DNTT: variants seen among roughly 807,000 people sequenced by gnomAD.
The protein encoded by DNTT is nucleosidetriphosphate:DNA deoxynucleotidylexotransferase.
A neutral mutation model predicts 60.9 loss-of-function variants in DNTT; 47 were observed. That is an observed-to-expected ratio of 0.77 (90% CI 0.61 to 0.98). The LOEUF is 0.98. DNTT is among the 50% of genes least tolerant of loss of function. DNTT has a pLI of 0.00. For synonymous variants in DNTT, 224 were observed against 221.2 expected (o/e 1.01, Z -0.11); for missense variants, 665 against 627.5 (o/e 1.06, Z -0.64).
intron 5 of DNTT, among the ~76,000 whole-genome samples, chr10:96,323,394 G>C (rs931531699): frequency 3.3e-5 from 5 of 152,112 alleles, no homozygotes; most frequent in East Asian, 1.9e-4. Flanking sequence ...CTGGGGATTA[G>C]GACTTCAACA....
chr10:96,326,436 T>C (rs942294396), intron 6 of DNTT, among the ~76,000 whole-genome samples: 13 of 152,242 alleles, frequency 8.5e-5, no homozygotes, highest in African/African-American at 2.9e-4. Flanking sequence ...CCATTTTCTC[T>C]TGGTCTTGCC....
At position 96,304,528 on chromosome 10, in the gene DNTT, C is replaced by T. The variant is rs775277794; in HGVS notation, c.31C>T (p.Pro11Ser). ...TCCACCACGAGCGTCCCACTTGAGC[C>T]CTCGGAAGAAGAGACCCCGGCAGAC... The part of the protein sequence containing the change: MDPPRASHLS[P>S]RKKRPRQTGA... Residue 11 changes from proline (P) to serine (S), a missense_variant, in exon 1 of 11, where the codon CCT (proline) becomes TCT (serine). Pro to Ser is a moderately conservative substitution (Grantham distance 74). Coordinates refer to ENST00000371174, the MANE Select transcript of DNTT (RefSeq NM_004088.4). 1 of 1,614,024 alleles carries T rather than the reference C, an allele frequency of 6.2e-7. No homozygotes were observed. Among genetic ancestry groups the T allele is most frequent in the Non-Finnish European group, 8.5e-7 (1 of 1,180,014 alleles).
intron 9 of DNTT, among the ~76,000 whole-genome samples, chr10:96,332,890 G>T (rs1465551691): frequency 6.6e-6 from 1 of 152,180 alleles, no homozygotes; most frequent in Non-Finnish European, 1.5e-5. Context: ...AATCAAATCA[G>T]CATCTCTGGG....
chr10:96,324,349 G>A lies in DNTT; in HGVS notation c.834G>A (p.Arg278=). Residue 278 remains arginine, a synonymous_variant, in exon 6 of 11, where the codon AGG becomes AGA. Transcript: ENST00000371174. ...GTTTCAGAACTCTGAGTAAAGTAAG[G>A]TCGGACAAAAGCCTGAAATTTACAC... ...RMGFRTLSKV[R]SDKSLKFTRM... 1.2e-6 allele frequency: 2 copies of A among 1,613,854 alleles called. No homozygotes were observed. The highest frequency in any genetic ancestry group is 1.7e-6 in the Non-Finnish European group (2 of 1,179,826).
chr10:96,321,597 A>G (rs1231008430), intron 4 of DNTT, among the ~76,000 whole-genome samples: 2 of 152,060 alleles, frequency 1.3e-5, no homozygotes, highest in African/African-American at 4.8e-5. Context: ...AAGTGTTTTT[A>G]TCTATTGGGA....
intron 1 of DNTT, among the ~76,000 whole-genome samples, chr10:96,306,949 C>A (rs890270596): frequency 6.6e-6 from 1 of 152,152 alleles, no homozygotes; most frequent in East Asian, 1.9e-4. Flanking sequence ...TCTCTAGATA[C>A]GAAATTTAGA....
At chr10:96,324,435 G>A (rs374601514) in intron 6 of DNTT, 46 bp downstream of exon 6, 2 of 1,607,878 alleles carry the variant, frequency 1.2e-6, no homozygotes, top group Non-Finnish European at 1.7e-6. Flanking sequence ...GGCTGGTCGG[G>A]TCGTGGTGGA....
chr10:96,326,064 A>C (rs1208437746), intron 6 of DNTT, among the ~76,000 whole-genome samples: 3 of 152,254 alleles, frequency 2.0e-5, no homozygotes, highest in Admixed American at 2.0e-4. Context: ...GGATGTCAAC[A>C]AATCATCATA....
chr10:96,314,165 A>G (rs1431471600), intron 1 of DNTT, among the ~76,000 whole-genome samples: 1 of 152,154 alleles, frequency 6.6e-6, no homozygotes, highest in Non-Finnish European at 1.5e-5. Flanking sequence ...GTGCTATTCC[A>G]TCTGTATTTC....
chr10:96,320,795 G>A lies in DNTT; in HGVS notation c.678+7G>A. 1 of 1,613,102 alleles carries A rather than the reference G, an allele frequency of 6.2e-7. No homozygotes were observed. The highest frequency in any genetic ancestry group is 2.2e-5 in the East Asian group (1 of 44,854). ...GGTGAAGGGTATCATAGAGGTAAGG[G>A]TGAAATGGGATTTGTCCCACTTCCC... On this transcript the variant is annotated splice_region_variant and intron_variant, in intron 4 of 10. Transcript: ENST00000371174.
chr10:96,320,742 CAG>C lies in DNTT; in HGVS notation c.634_635del (p.Glu212ArgfsTer18), dbSNP rs1230329092. ...TTCACAATCATCAGTATGAAGGACA[CAG>C]AAGGAATTCCCTGCCTGGGGTCCAA... On this transcript the variant is annotated frameshift_variant, in exon 4 of 11. Coordinates refer to ENST00000371174, the MANE Select transcript of DNTT (RefSeq NM_004088.4). LOFTEE classifies it high-confidence loss of function. The C allele has an allele frequency of 6.2e-7, 1 of 1,613,822 alleles. No individual in the cohort carries two copies. The highest frequency in any genetic ancestry group is 1.1e-5 in the South Asian group (1 of 91,072).
At chr10:96,319,872 A>G (rs1052535948) in intron 3 of DNTT, among the ~76,000 whole-genome samples, 2 of 152,200 alleles carry the variant, frequency 1.3e-5, no homozygotes, top group African/African-American at 4.8e-5. Flanking sequence ...CATCTATTCA[A>G]AAAGAAATTG....
chr10:96,324,157 A>G, intron 5 of DNTT, 109 bp from the exon 6 acceptor site: 2 of 1,391,694 alleles, frequency 1.4e-6, no homozygotes, highest in Non-Finnish European at 9.6e-7. Flanking sequence ...ACTAGGTCAA[A>G]GATTTGCTTA....
chr10:96,305,744 G>A (rs1844626128), intron 1 of DNTT, among the ~76,000 whole-genome samples: 1 of 152,162 alleles, frequency 6.6e-6, no homozygotes. Context: ...CAAGTGTTGA[G>A]GAGACATATT....
chr10:96,307,557 T>A (rs1160207630), intron 1 of DNTT, among the ~76,000 whole-genome samples: 1 of 150,044 alleles, frequency 6.7e-6, no homozygotes, highest in East Asian at 1.9e-4. Flanking sequence ...GGTTTCACGA[T>A]GTTGGCCAGG....
At chr10:96,335,044 A>G (rs1845050537) in intron 9 of DNTT, among the ~76,000 whole-genome samples, 1 of 152,146 alleles carries the variant, frequency 6.6e-6, no homozygotes, top group Admixed American at 6.5e-5. Context: ...CATCTCCTCA[A>G]CCATCCCGGG....
chr10:96,304,954 A>G (rs772582871), intron 1 of DNTT, among the ~76,000 whole-genome samples: 1 of 152,208 alleles, frequency 6.6e-6, no homozygotes. Context: ...CTCCTATGAG[A>G]TGTGTTATTT....
In DNTT at chr10:96,319,260, A is replaced by C; in HGVS notation, c.379-2A>C. ...AAAATGGATGCTTATGCATTTGTTTAGGTGAGAAGAGACTATTCAGATAGC... is the reference window on the plus strand; with the variant it reads ...AAAATGGATGCTTATGCATTTGTTTCGGTGAGAAGAGACTATTCAGATAGC... On this transcript the variant is annotated splice_acceptor_variant, in intron 2 of 10. Coordinates refer to ENST00000371174, the MANE Select transcript of DNTT (RefSeq NM_004088.4). LOFTEE classifies it high-confidence loss of function. 6.2e-7 allele frequency: 1 copy of C among 1,611,946 alleles called. No individual in the cohort carries two copies. Among genetic ancestry groups the C allele is most frequent in the Non-Finnish European group, 8.5e-7 (1 of 1,178,868 alleles).
chr10:96,332,741 T>C, intron 9 of DNTT, 145 bp downstream of exon 9: 1 of 1,232,424 alleles, frequency 8.1e-7, no homozygotes. Flanking sequence ...ACTCAAGGCA[T>C]CCTGTCCACA....
Sources: gnomAD v4.1 joint callset for allele counts (sites outside exome capture counted in the v4.1 genomes callset) on GRCh38, gnomAD v4.1.1 for gene constraint, MANE v1.5 for transcripts, NCBI Gene and HGNC (gene_info 2026-07-23, HGNC 2026-07-21) for gene names.